The following YAE1 variants were observed in gnomAD, a reference collection of about 807,000 sequenced individuals.
YAE1 encodes the protein protein YAE1 homolog.
In YAE1, 22 loss-of-function variants were observed where a neutral mutation model predicts 23.0. That is an observed-to-expected ratio of 0.96 (90% CI 0.68 to 1.37). The LOEUF is 1.37. YAE1 is among the 40% of genes most tolerant of loss of function. The pLI, the probability that YAE1 is intolerant of heterozygous loss-of-function variation, is 0.00. For synonymous variants in YAE1, 101 were observed against 97.0 expected (o/e 1.04, Z -0.24); for missense variants, 260 against 262.1 (o/e 0.99, Z 0.06).
intron 1 of YAE1, chr7:39,569,667 C>T (rs1324673036): frequency 1.5e-6 from 1 of 681,350 alleles, no homozygotes; most frequent in South Asian, 1.4e-5. Context: ...ATATGATCCC[C>T]ACACTGGCAA....
chr7:39,587,175 G>T (rs1211601068), intron 2 of YAE1, among the ~76,000 whole-genome samples: 1 of 151,916 alleles, frequency 6.6e-6, no homozygotes, highest in Non-Finnish European at 1.5e-5. Flanking sequence ...TCCCACCTCA[G>T]CGTCCCAAGC....
chr7:39,586,552 C>T (rs1214878614), intron 2 of YAE1, among the ~76,000 whole-genome samples: 1 of 150,674 alleles, frequency 6.6e-6, no homozygotes, highest in East Asian at 2.0e-4. Flanking sequence ...GGCTGGAGTG[C>T]AGTGGCGCAG....
downstream of YAE1, among the ~76,000 whole-genome samples, chr7:39,575,542 G>T (rs762307653): frequency 3.3e-5 from 1 of 30,704 alleles, no homozygotes; most frequent in Non-Finnish European, 6.6e-5. Flanking sequence ...ATACAGGAGA[G>T]AGAGAGAGAG....
rs1054299009 is a variant in YAE1 at position 39,590,194 on chromosome 7, A to G, written c.252-19423A>G. Among the ~76,000 whole-genome samples the G allele has an allele frequency of 1.2e-4, 18 of 152,352 alleles. No homozygotes were observed. In the East Asian group the frequency reaches 3.5e-3, roughly 29 times the overall value. Reference sequence around the variant, plus strand: ...TATTTACTAAGCCATTGCACTAAACATAATACACAAAATAATACCGTTAAG... The same window carrying G: ...TATTTACTAAGCCATTGCACTAAACGTAATACACAAAATAATACCGTTAAG... On this transcript the variant is annotated intron_variant, in intron 2 of 2. Coordinates refer to the YAE1 transcript ENST00000432096.
At chr7:39,575,506 T>C (rs977389470), downstream of YAE1, among the ~76,000 whole-genome samples, 2 of 149,830 alleles carry the variant, frequency 1.3e-5, no homozygotes, top group Non-Finnish European at 3.0e-5. Flanking sequence ...AGAGCTTAGT[T>C]CTTAGAACTA....
At chr7:39,608,634 G>A (rs906790846) in intron 2 of YAE1, among the ~76,000 whole-genome samples, 1 of 152,282 alleles carries the variant, frequency 6.6e-6, no homozygotes, top group Admixed American at 6.5e-5. Context: ...CAGGAAATAA[G>A]CTAATTCTAT....
chr7:39,577,454 G>A (rs562043213), downstream of YAE1, among the ~76,000 whole-genome samples: 301 of 152,274 alleles, frequency 2.0e-3, no homozygotes, highest in African/African-American at 6.8e-3. Context: ...TGAGAGTGGC[G>A]AGCCAGCGTG....
At chr7:39,607,670 C>T (rs1791149627) in intron 2 of YAE1, among the ~76,000 whole-genome samples, 1 of 152,086 alleles carries the variant, frequency 6.6e-6, no homozygotes, top group South Asian at 2.1e-4. Flanking sequence ...TTTGTTGTTA[C>T]TGTTTGTTTG....
At chr7:39,591,005 G>A (rs575732194) in intron 2 of YAE1, among the ~76,000 whole-genome samples, 1 of 152,152 alleles carries the variant, frequency 6.6e-6, no homozygotes, top group South Asian at 2.1e-4. Context: ...TCTGGAGGCT[G>A]GGAAGTCCAA....
At chr7:39,605,770 G>C (rs1791121036) in intron 2 of YAE1, among the ~76,000 whole-genome samples, 2 of 152,086 alleles carry the variant, frequency 1.3e-5, no homozygotes, top group Admixed American at 1.3e-4. Context: ...AGAACCCTAT[G>C]ACATGGGCTG....
At chr7:39,574,173 T>G (rs77096782), downstream of YAE1, among the ~76,000 whole-genome samples, 7,484 of 152,328 alleles carry the variant, frequency 0.049, 254 homozygotes, top group East Asian at 0.12. Flanking sequence ...TCCCTGAAGA[T>G]AACACCCATT....
At chr7:39,581,166 G>A (rs1790736574) in intron 2 of YAE1, among the ~76,000 whole-genome samples, 1 of 152,146 alleles carries the variant, frequency 6.6e-6, no homozygotes, top group Non-Finnish European at 1.5e-5. Flanking sequence ...TCTCTTTTTA[G>A]TCAACAAATC....
intron 2 of YAE1, among the ~76,000 whole-genome samples, chr7:39,595,657 T>C (rs1048086579): frequency 6.6e-6 from 1 of 152,230 alleles, no homozygotes; most frequent in Admixed American, 6.5e-5. Context: ...AACAACTCTC[T>C]CAGTAACTAC....
At chr7:39,594,076 G>T (rs1424327186) in intron 2 of YAE1, among the ~76,000 whole-genome samples, 3 of 152,174 alleles carry the variant, frequency 2.0e-5, no homozygotes, top group African/African-American at 7.2e-5. Context: ...TGTTGTAGTA[G>T]ACAGATAACT....
At chr7:39,592,741 G>A (rs1379925898) in intron 2 of YAE1, among the ~76,000 whole-genome samples, 1 of 151,786 alleles carries the variant, frequency 6.6e-6, no homozygotes, top group African/African-American at 2.4e-5. Flanking sequence ...TTGTTATCCT[G>A]TCTACAATGT....
At chr7:39,580,902 G>T (rs756627260) in intron 2 of YAE1, among the ~76,000 whole-genome samples, 18 of 152,074 alleles carry the variant, frequency 1.2e-4, no homozygotes, top group Non-Finnish European at 2.6e-4. Context: ...AAGCTCTGAG[G>T]CCTAAAAGTA....
intron 2 of YAE1, among the ~76,000 whole-genome samples, chr7:39,578,567 G>A (rs1352769257): frequency 6.6e-6 from 1 of 152,168 alleles, no homozygotes; most frequent in Admixed American, 6.5e-5. Flanking sequence ...GAACCCATTG[G>A]AAGAATGAAC....
chr7:39,589,377 C>T (rs1215413755), intron 2 of YAE1, among the ~76,000 whole-genome samples: 1 of 152,080 alleles, frequency 6.6e-6, no homozygotes, highest in Non-Finnish European at 1.5e-5. Context: ...GAGCATTTCT[C>T]CCACCTCAGC....
At chr7:39,579,327 G>A (rs765328985) in intron 2 of YAE1, among the ~76,000 whole-genome samples, 7 of 152,122 alleles carry the variant, frequency 4.6e-5, no homozygotes, top group Non-Finnish European at 1.0e-4. Context: ...GTGTACTCAG[G>A]GTGGATGCTT....
Sources: allele counts gnomAD v4.1 joint callset (sites outside exome capture counted in the v4.1 genomes callset), GRCh38; gene constraint gnomAD v4.1.1; transcripts MANE v1.5; gene names NCBI Gene and HGNC (gene_info 2026-07-23, HGNC 2026-07-21).